Variants in KIRREL1 observed in about 807,000 individuals in gnomAD.
The protein encoded by KIRREL1 is kirre like nephrin family adhesion molecule 1.
A neutral mutation model predicts 83.3 loss-of-function variants in KIRREL1; 25 were observed. The ratio of observed to expected loss-of-function variants is 0.30; its 90% CI spans 0.22 to 0.42. KIRREL1 has a LOEUF of 0.42. Ranked by LOEUF, KIRREL1 falls within the 10% of genes least tolerant of loss-of-function variation. The pLI, the probability that KIRREL1 is intolerant of heterozygous loss-of-function variation, is 1.00. For missense variants in KIRREL1, 812 were observed against 1,032.3 expected (o/e 0.79, Z 2.92); for synonymous variants, 388 against 410.4 (o/e 0.95, Z 0.66).
intron 1 of KIRREL1, among the ~76,000 whole-genome samples, chr1:158,067,839 ACCAGCCAGCCCCT>A (rs1270572672): frequency 1.3e-5 from 2 of 152,154 alleles, no homozygotes; most frequent in Non-Finnish European, 2.9e-5. Context: ...CACTGTAAGC[ACCAGCCAGCCCCT>A]CCAGCCAGCC....
intron 1 of KIRREL1, among the ~76,000 whole-genome samples, chr1:158,008,812 A>C (rs1659591421): frequency 6.6e-6 from 1 of 152,158 alleles, no homozygotes; most frequent in Non-Finnish European, 1.5e-5. Context: ...TTCGAGTCAC[A>C]ACAAATTAAA....
At chr1:158,084,603 G>T in intron 4 of KIRREL1, 24 bp downstream of exon 4, 1 of 1,549,658 alleles carries the variant, frequency 6.5e-7, no homozygotes, top group Non-Finnish European at 8.7e-7. Flanking sequence ...AGCTCCCCCA[G>T]CTCCTCCTGG....
At chr1:158,063,213 T>C (rs1028101272) in intron 1 of KIRREL1, among the ~76,000 whole-genome samples, 2 of 152,200 alleles carry the variant, frequency 1.3e-5, no homozygotes, top group Non-Finnish European at 2.9e-5. Context: ...TACGAGGCTA[T>C]AGTAAGGGCC....
chr1:158,039,487 G>T (rs912419546), intron 1 of KIRREL1, among the ~76,000 whole-genome samples: 1 of 152,176 alleles, frequency 6.6e-6, no homozygotes, highest in African/African-American at 2.4e-5. Flanking sequence ...CACAAAAGCA[G>T]CAAAGGCTGA....
chr1:158,094,899 G>C lies in KIRREL1; in HGVS notation c.2053G>C (p.Glu685Gln), dbSNP rs140491529. The change falls in exon 15 of 15, where the codon GAG becomes CAG. Residue 685 changes from glutamate (E) to glutamine (Q), a missense_variant. Physicochemically the swap from Glu to Gln is conservative, Grantham distance 29. Transcript: ENST00000359209. The surrounding 1 kb of genome is among the most constrained non-coding windows in gnomAD (Gnocchi z 4.6). ...GTDTTSQLSY[E>Q]NYEKFNSHPF... is the part of the protein sequence containing the mutation. ...TGACACAACCAGCCAGCTGTCCTAC[G>C]AGAACTATGAGAAGTTCAACTCCCA... 6.2e-7 allele frequency: 1 copy of C among 1,613,898 alleles called. No homozygotes were observed. Among genetic ancestry groups the C allele is most frequent in the African/African-American group, 1.3e-5 (1 of 74,886 alleles).
At chr1:158,019,452 T>C (rs74693412) in intron 1 of KIRREL1, among the ~76,000 whole-genome samples, 226 of 152,210 alleles carry the variant, frequency 1.5e-3, no homozygotes, top group Non-Finnish European at 2.6e-3. Flanking sequence ...AGATACTCTT[T>C]GGGTGATTGA....
chr1:158,039,327 C>T (rs1266663244), intron 1 of KIRREL1, among the ~76,000 whole-genome samples: 1 of 152,196 alleles, frequency 6.6e-6, no homozygotes, highest in Non-Finnish European at 1.5e-5. Context: ...CAGCTCTGTC[C>T]TCATTTTATT....
intron 1 of KIRREL1, among the ~76,000 whole-genome samples, chr1:158,044,861 A>T (rs921807320): frequency 6.6e-6 from 1 of 152,238 alleles, no homozygotes. Context: ...GAGAGGGACA[A>T]TAAGCTAATT....
At chr1:158,024,824 G>A (rs1453560594) in intron 1 of KIRREL1, among the ~76,000 whole-genome samples, 12 of 152,154 alleles carry the variant, frequency 7.9e-5, no homozygotes, top group Non-Finnish European at 1.6e-4. Context: ...CAGCACCAGT[G>A]GCATTTTTAG....
chr1:158,085,013 G>A (rs1661977379), intron 4 of KIRREL1, among the ~76,000 whole-genome samples: 1 of 152,146 alleles, frequency 6.6e-6, no homozygotes, highest in African/African-American at 2.4e-5. Context: ...TTTGTACCTG[G>A]GTCTGACTGT....
chr1:158,002,085 G>GAA (rs1659376571), intron 1 of KIRREL1, among the ~76,000 whole-genome samples: 1 of 152,190 alleles, frequency 6.6e-6, no homozygotes, highest in Non-Finnish European at 1.5e-5. Context: ...AAACCTTAGA[G>GAA]AAATACCAGC....
At chr1:158,010,399 A>G (rs1367427677) in intron 1 of KIRREL1, among the ~76,000 whole-genome samples, 1 of 65,054 alleles carries the variant, frequency 1.5e-5, no homozygotes, top group African/African-American at 6.4e-5. Flanking sequence ...ACATGCATAC[A>G]CACACACACA....
chr1:158,009,721 T>C (rs540105437), intron 1 of KIRREL1, among the ~76,000 whole-genome samples: 7 of 152,360 alleles, frequency 4.6e-5, no homozygotes, highest in African/African-American at 1.7e-4. Flanking sequence ...CTGGGGCTGC[T>C]TCTGGCTGAA....
chr1:158,068,383 A>T (rs7366166), intron 1 of KIRREL1, among the ~76,000 whole-genome samples: 108 of 152,296 alleles, frequency 7.1e-4, no homozygotes, highest in Non-Finnish European at 1.1e-3. Context: ...CTCATCTGTC[A>T]AAGGAGGGGG....
At chr1:158,089,174 G>A (rs901065291) in intron 8 of KIRREL1, among the ~76,000 whole-genome samples, 4 of 152,194 alleles carry the variant, frequency 2.6e-5, no homozygotes, top group African/African-American at 9.7e-5. Context: ...AAGAATTTCA[G>A]AGTAAAACGT....
At chr1:158,051,870 A>G (rs1461896008) in intron 1 of KIRREL1, among the ~76,000 whole-genome samples, 5 of 152,172 alleles carry the variant, frequency 3.3e-5, no homozygotes, top group Non-Finnish European at 7.3e-5. Context: ...CAAACTGAAA[A>G]TGACCTCCCT....
rs774840916 is a variant in KIRREL1 at position 158,096,736 on chromosome 1, G to T, written c.*1616G>T. On this transcript the variant is annotated 3_prime_UTR_variant, in exon 15 of 15. Coordinates refer to ENST00000359209, the MANE Select transcript of KIRREL1 (RefSeq NM_018240.7). ...CCAAAGAGAACAGGCGCTCCAAGGA[G>T]AACCTGTACCCCTGCCCCAGCCTCG... 3.1e-5 allele frequency: 14 copies of T among 456,584 alleles called. No homozygotes were observed. The highest frequency in any genetic ancestry group is 2.8e-4 in the African/African-American group (14 of 50,054). The allele number at this position is 456,584 out of a possible 1,614,324, so 28.3% of individuals were successfully genotyped here. A position where few individuals can be genotyped will look rare whatever the true frequency, so the allele number is the denominator to read the frequency against.
At chr1:158,076,710 C>T (rs896451437) in intron 2 of KIRREL1, among the ~76,000 whole-genome samples, 3 of 152,214 alleles carry the variant, frequency 2.0e-5, no homozygotes, top group Non-Finnish European at 2.9e-5. Context: ...GCTGCCCAGG[C>T]GATGTCTGCT....
chr1:158,087,928 C>T (rs973543671), intron 6 of KIRREL1, 68 bp downstream of exon 6: 2 of 1,606,858 alleles, frequency 1.2e-6, no homozygotes, highest in Non-Finnish European at 1.7e-6. Flanking sequence ...AGAGGCTGTA[C>T]TGGGGAGGCC....
Sources: allele counts gnomAD v4.1 joint callset (sites outside exome capture counted in the v4.1 genomes callset), GRCh38; gene constraint gnomAD v4.1.1; non-coding constraint Gnocchi (gnomAD v3.1); transcripts MANE v1.5; gene names NCBI Gene and HGNC (gene_info 2026-07-23, HGNC 2026-07-21).